STMN1: variants seen among roughly 807,000 people sequenced by gnomAD.
STMN1 encodes the protein stathmin.
In STMN1, 3 loss-of-function variants were observed where a neutral mutation model predicts 19.7. That is an observed-to-expected ratio of 0.15 (90% CI 0.07 to 0.39). STMN1 has a LOEUF of 0.39. Among genes scored for constraint, STMN1 ranks in the 10% least tolerant of loss-of-function variants. STMN1 has a pLI of 1.00. For synonymous variants in STMN1, 59 were observed against 58.9 expected (o/e 1.00, Z -0.01); for missense variants, 99 against 176.0 (o/e 0.56, Z 2.48).
At chr1:25,904,948 G>A (rs1572308020) in intron 1 of STMN1, 2 of 381,822 alleles carry the variant, frequency 5.2e-6, no homozygotes, top group East Asian at 8.1e-5. Flanking sequence ...AGAAAATCAA[G>A]TTAACTGAGC....
downstream of STMN1, among the ~76,000 whole-genome samples, chr1:25,896,263 G>A (rs1385753471): frequency 6.6e-6 from 1 of 152,152 alleles, no homozygotes; most frequent in African/African-American, 2.4e-5. Context: ...CTGTTCTGGG[G>A]ATTCACTGAG....
At chr1:25,892,265 T>C (rs1407143046) in intron 4 of STMN1, among the ~76,000 whole-genome samples, 1 of 151,848 alleles carries the variant, frequency 6.6e-6, no homozygotes, top group African/African-American at 2.4e-5. Context: ...GTGGGGTGCC[T>C]GCAATCCCAG....
At chr1:25,886,687 C>T (rs1344690925) in intron 4 of STMN1, among the ~76,000 whole-genome samples, 2 of 149,356 alleles carry the variant, frequency 1.3e-5, no homozygotes, top group African/African-American at 4.9e-5. Flanking sequence ...CTCCCAGGTT[C>T]AAGAGATTCT....
chr1:25,897,011 T>A (rs896941652), downstream of STMN1, among the ~76,000 whole-genome samples: 5 of 152,174 alleles, frequency 3.3e-5, no homozygotes, highest in African/African-American at 1.2e-4. Flanking sequence ...AGGGGGAAGC[T>A]TTTCTATAAG....
chr1:25,904,816 A>G, intron 1 of STMN1, 78 bp from the exon 2 acceptor site: 1 of 926,754 alleles, frequency 1.1e-6, no homozygotes, highest in Non-Finnish European at 1.6e-6. Context: ...ATCTCACATC[A>G]CATCTACATA....
intron 2 of STMN1, among the ~76,000 whole-genome samples, chr1:25,904,431 A>G (rs2048913787): frequency 6.6e-6 from 1 of 152,264 alleles, no homozygotes; most frequent in African/African-American, 2.4e-5. Context: ...CATAAACAAA[A>G]GACTTGTGCA....
intron 4 of STMN1, among the ~76,000 whole-genome samples, chr1:25,888,171 A>G (rs868857400): frequency 6.6e-6 from 1 of 152,186 alleles, no homozygotes; most frequent in Non-Finnish European, 1.5e-5. Context: ...CGTCAGAGGT[A>G]GAACACAGCA....
At chr1:25,886,230 A>G (rs2048719870) in intron 4 of STMN1, among the ~76,000 whole-genome samples, 1 of 152,174 alleles carries the variant, frequency 6.6e-6, no homozygotes, top group Non-Finnish European at 1.5e-5. Flanking sequence ...TGTGACAAAT[A>G]TGAATTGGAG....
chr1:25,892,728 C>G (rs1040291012), intron 4 of STMN1: 1 of 369,364 alleles, frequency 2.7e-6, no homozygotes, highest in Non-Finnish European at 3.7e-6. Context: ...GACAGCACTA[C>G]CCCAGGCTTT....
chr1:25,903,855 C>A, intron 2 of STMN1, 42 bp from the exon 3 acceptor site: 1 of 1,558,278 alleles, frequency 6.4e-7, no homozygotes, highest in South Asian at 1.2e-5. Flanking sequence ...CCAGGATTCT[C>A]CTGTTCTAAT....
chr1:25,897,404 G>A (rs1014951773), downstream of STMN1, among the ~76,000 whole-genome samples: 9 of 151,910 alleles, frequency 5.9e-5, no homozygotes, highest in South Asian at 2.1e-4. Context: ...AAATGAATTC[G>A]CAGTAAGGTA....
At chr1:25,891,512 T>C (rs1170690218) in intron 4 of STMN1, among the ~76,000 whole-genome samples, 6 of 152,108 alleles carry the variant, frequency 3.9e-5, no homozygotes, top group Admixed American at 3.3e-4. Flanking sequence ...CAGTCAGATA[T>C]GCTGGGAGTT....
At chr1:25,897,129 G>A (rs2048824128), downstream of STMN1, among the ~76,000 whole-genome samples, 4 of 151,930 alleles carry the variant, frequency 2.6e-5, no homozygotes, top group Non-Finnish European at 4.4e-5. Flanking sequence ...CCTGGCCAAC[G>A]TGGTGAAACC....
intron 4 of STMN1, among the ~76,000 whole-genome samples, chr1:25,886,474 G>A (rs1399283963): frequency 6.6e-6 from 1 of 151,972 alleles, no homozygotes; most frequent in Non-Finnish European, 1.5e-5. Flanking sequence ...TCCTTAGTGG[G>A]AGACGAGTGC....
rs78728552 is a variant in STMN1 at position 25,888,340 on chromosome 1, A to G, written c.379-2471T>C. On this transcript the variant is annotated intron_variant, in intron 4 of 4. Transcript: ENST00000426559. ...CCCACCACCCTTGGGATTAAATGAA[A>G]TGCAATTGCCCATAAGTCAGGCTGG... 3.5e-3 allele frequency among the ~76,000 whole-genome samples: 536 copies of G among 152,280 alleles called. 4 individuals are homozygous for G. Among genetic ancestry groups the G allele is most frequent in the Admixed American group, 6.8e-3 (104 of 15,288 alleles).
At chr1:25,900,102 T>C (rs2048854025), downstream of STMN1, 1 of 985,704 alleles carries the variant, frequency 1.0e-6, no homozygotes, top group South Asian at 4.7e-5. Flanking sequence ...TTCCCTTTAG[T>C]CATTTCACAG....
intron 1 of STMN1, chr1:25,905,469 G>C (rs1252401588): frequency 2.0e-5 from 3 of 152,232 alleles, no homozygotes; most frequent in African/African-American, 7.2e-5. Context: ...ACGCAGCACC[G>C]GACCCAGGAT....
At chr1:25,891,383 C>T (rs969113265) in intron 4 of STMN1, among the ~76,000 whole-genome samples, 3 of 151,338 alleles carry the variant, frequency 2.0e-5, no homozygotes, top group Non-Finnish European at 2.9e-5. Flanking sequence ...ATACAATGCA[C>T]GGCAAATTGT....
At chr1:25,897,271 C>T (rs2124240319), downstream of STMN1, among the ~76,000 whole-genome samples, 1 of 150,022 alleles carries the variant, frequency 6.7e-6, no homozygotes, top group East Asian at 2.0e-4. Context: ...CAAGATCGTG[C>T]CACTGCACTC....
Sources: gnomAD v4.1 joint callset for allele counts (sites outside exome capture counted in the v4.1 genomes callset) on GRCh38, gnomAD v4.1.1 for gene constraint, MANE v1.5 for transcripts, NCBI Gene and HGNC (gene_info 2026-07-23, HGNC 2026-07-21) for gene names.